EMC8: variants seen among roughly 807,000 people sequenced by gnomAD.
The protein encoded by EMC8 is ER membrane protein complex subunit 8, also known as COX4 neighbor.
Under a neutral mutation model 24.3 loss-of-function variants are expected in EMC8, and 11 were observed. The observed-to-expected ratio is 0.45, with a 90% CI of 0.28 to 0.75. The LOEUF is 0.75. EMC8 is among the 30% of genes least tolerant of loss of function. The probability of loss-of-function intolerance (pLI) is 0.12; values close to 1 mark genes in which losing one functional copy is unlikely to be tolerated. For missense variants in EMC8, 277 were observed against 282.7 expected (o/e 0.98, Z 0.14); for synonymous variants, 145 against 117.7 (o/e 1.23, Z -1.50).
Position 85,779,563 on chromosome 16 carries a change from A to C in EMC8, c.*145T>G. ...GTGTTAAAAACACGACCGACTGAAC[A>C]TTCTGCCCCCTTTCAAGGCACATGC... is the stretch of plus-strand genomic sequence containing the variant. On this transcript the variant is annotated 3_prime_UTR_variant, in exon 5 of 5. Coordinates refer to ENST00000253457, the MANE Select transcript of EMC8 (RefSeq NM_006067.5). 1 of 778,922 alleles carries C rather than the reference A, an allele frequency of 1.3e-6. No homozygotes were observed. The highest frequency in any genetic ancestry group is 2.1e-6 in the Non-Finnish European group (1 of 476,526). The allele number at this position is 778,922 out of a possible 1,614,324, so 48.3% of individuals were successfully genotyped here. A position where few individuals can be genotyped will look rare whatever the true frequency, so the allele number is the denominator to read the frequency against.
chr16:85,781,038 A>G, intron 3 of EMC8, 173 bp downstream of exon 3: 1 of 595,084 alleles, frequency 1.7e-6, no homozygotes, highest in East Asian at 2.8e-5. Flanking sequence ...CACAGAAGCC[A>G]TGGCCTGGGA....
intron 2 of EMC8, among the ~76,000 whole-genome samples, chr16:85,788,504 G>A (rs1298891705): frequency 1.3e-5 from 2 of 152,240 alleles, no homozygotes; most frequent in African/African-American, 2.4e-5. Flanking sequence ...AGTTGGGGAA[G>A]GATCTGGATA....
At position 85,780,454 on chromosome 16, in the gene EMC8, G is replaced by A. The variant is rs776174983; in HGVS notation, c.398C>T (p.Thr133Met). ...ALIMVDNTKF[T>M]MDCVAPTIHV... is the part of the protein sequence containing the mutation. ...GATCGTAGGCGCTACGCAGTCCATC[G>A]TAAACTTGGTGTTGTCTACCTGAGC... The change falls in exon 4 of 5, where the codon ACG becomes ATG. Residue 133 changes from threonine to methionine, a missense_variant. Thr to Met is a moderately conservative substitution (Grantham distance 81). Transcript: ENST00000253457. 5.6e-6 allele frequency: 9 copies of A among 1,613,690 alleles called. No homozygotes were observed. The East Asian group carries it at 1.6e-4, about 28-fold the overall frequency.
intron 1 of EMC8, among the ~76,000 whole-genome samples, chr16:85,791,388 GT>G (rs1160444419): frequency 3.3e-5 from 5 of 152,224 alleles, no homozygotes; most frequent in African/African-American, 9.6e-5. Flanking sequence ...TGTCATGCTG[GT>G]TTGCTGCACC....
At chr16:85,791,744 G>T (rs1181562134) in intron 1 of EMC8, among the ~76,000 whole-genome samples, 1 of 152,118 alleles carries the variant, frequency 6.6e-6, no homozygotes, top group African/African-American at 2.4e-5. Context: ...TTGGCTCATG[G>T]CCACATCACT....
chr16:85,796,272 C>T (rs1597209995), intron 1 of EMC8, among the ~76,000 whole-genome samples: 1 of 152,196 alleles, frequency 6.6e-6, no homozygotes, highest in Non-Finnish European at 1.5e-5. Flanking sequence ...ACCATCGTCC[C>T]AGCGCACAAG....
At chr16:85,787,734 T>C (rs1904819415) in intron 2 of EMC8, 1 of 152,278 alleles carries the variant, frequency 6.6e-6, no homozygotes, top group Non-Finnish European at 1.5e-5. Context: ...CCAACCGCCT[T>C]GGCAGAGGCT....
intron 3 of EMC8, 127 bp downstream of exon 3, chr16:85,781,084 G>C (rs1185561505): frequency 1.8e-5 from 12 of 666,784 alleles, no homozygotes; most frequent in Non-Finnish European, 1.9e-5. Flanking sequence ...AACTGCAAGA[G>C]GCGGCAATGG....
At chr16:85,780,223 C>T (rs144961657) in intron 4 of EMC8, 156 bp downstream of exon 4, 12 of 645,456 alleles carry the variant, frequency 1.9e-5, no homozygotes, top group East Asian at 8.2e-5. Flanking sequence ...TGCCTGGAAG[C>T]GCTGGAACAC....
intron 2 of EMC8, chr16:85,784,944 G>A (rs1904683313): frequency 6.6e-6 from 1 of 152,196 alleles, no homozygotes; most frequent in Non-Finnish European, 1.5e-5. Context: ...CTTAACATCT[G>A]TCTTTCTATT....
chr16:85,795,983 T>G lies in EMC8; in HGVS notation c.231+3082A>C, dbSNP rs187638104. 1.9e-3 allele frequency among the ~76,000 whole-genome samples: 294 copies of G among 152,282 alleles called. 3 individuals are homozygous for G. The highest frequency in any genetic ancestry group is 9.3e-3 in the South Asian group (45 of 4,822). ...CACACAAGTCTTCTTCTGTGTTGAC[T>G]GTTGGCGGTGAGAGCAGAGGACACA... is the stretch of plus-strand genomic sequence containing the variant. On this transcript the variant is annotated intron_variant, in intron 1 of 4. Transcript: ENST00000253457.
rs766246718 is a variant in EMC8, at chr16:85,789,017, T to C, written c.265A>G (p.Ile89Val). 6.2e-7 allele frequency: 1 copy of C among 1,613,892 alleles called. No individual in the cohort carries two copies. Among genetic ancestry groups the C allele is most frequent in the South Asian group, 1.1e-5 (1 of 91,078 alleles). ...TCATTAGCTTGATAATAACCAGCAA[T>C]CACGTAGCTATGATCTTTGCACCAT... ...DSWCKDHSYV[I>V]AGYYQANERV... is the part of the protein sequence containing the mutation. The change falls in exon 2 of 5, where the codon ATT becomes GTT. Residue 89 changes from isoleucine (I) to valine (V), a missense_variant. Coordinates refer to ENST00000253457, the MANE Select transcript of EMC8 (RefSeq NM_006067.5).
intron 2 of EMC8, among the ~76,000 whole-genome samples, chr16:85,782,438 T>A (rs1158367887): frequency 6.6e-6 from 1 of 152,188 alleles, no homozygotes; most frequent in African/African-American, 2.4e-5. Flanking sequence ...TATTCTTCTA[T>A]CCTATGCCAG....
At chr16:85,783,753 C>T (rs1904621134) in intron 2 of EMC8, among the ~76,000 whole-genome samples, 2 of 152,174 alleles carry the variant, frequency 1.3e-5, no homozygotes, top group South Asian at 4.1e-4. Context: ...TCTGGCCCTC[C>T]ACACCAAGGC....
chr16:85,799,274 T>C lies in EMC8; in HGVS notation c.22A>G (p.Thr8Ala). ...AGCACCATCTTGCAGTAGGCCTGGG[T>C]GGTCAGTTTCACCCCGGGCATGCTG... The part of the protein sequence containing the change: MPGVKLT[T>A]QAYCKMVLHG... Residue 8 changes from threonine to alanine, a missense_variant, in exon 1 of 5, where the codon ACC (threonine) becomes GCC (alanine). Coordinates refer to ENST00000253457, the MANE Select transcript of EMC8 (RefSeq NM_006067.5). The surrounding 1 kb of genome is among the most constrained non-coding windows in gnomAD (Gnocchi z 4.2). The C allele has an allele frequency of 6.2e-7, 1 of 1,609,290 alleles. No homozygotes were observed. The highest frequency in any genetic ancestry group is 1.3e-5 in the African/African-American group (1 of 74,960).
At chr16:85,792,387 AC>A (rs1205938173) in intron 1 of EMC8, 2 of 152,150 alleles carry the variant, frequency 1.3e-5, no homozygotes, top group Non-Finnish European at 2.9e-5. Flanking sequence ...AGAATTTAGA[AC>A]TTTTGAATGA....
chr16:85,786,796 G>A (rs909455512), intron 2 of EMC8, among the ~76,000 whole-genome samples: 8 of 152,224 alleles, frequency 5.3e-5, no homozygotes, highest in African/African-American at 1.7e-4. Flanking sequence ...ATAATTCCAG[G>A]CTGGGCTGTA....
At chr16:85,791,489 C>T (rs1468467803) in intron 1 of EMC8, among the ~76,000 whole-genome samples, 6 of 152,116 alleles carry the variant, frequency 3.9e-5, no homozygotes, top group Admixed American at 2.0e-4. Flanking sequence ...CTCTGACAGG[C>T]GCTGGTGTGT....
At chr16:85,797,551 G>T (rs1167559886) in intron 1 of EMC8, among the ~76,000 whole-genome samples, 1 of 152,206 alleles carries the variant, frequency 6.6e-6, no homozygotes, top group Non-Finnish European at 1.5e-5. Context: ...ATAATCATCT[G>T]AATCCTACCC....
Sources: gnomAD v4.1 joint callset for allele counts (sites outside exome capture counted in the v4.1 genomes callset) on GRCh38, gnomAD v4.1.1 for gene constraint, Gnocchi (gnomAD v3.1) non-coding constraint, MANE v1.5 for transcripts, NCBI Gene and HGNC (gene_info 2026-07-23, HGNC 2026-07-21) for gene names.